The following SV2C variants were observed in gnomAD, a reference collection of about 807,000 sequenced individuals.
SV2C encodes solute carrier family 22 member B3.
Under a neutral mutation model 79.7 loss-of-function variants are expected in SV2C, and 49 were observed. The ratio of observed to expected loss-of-function variants is 0.61; its 90% confidence interval spans 0.49 to 0.78. The LOEUF (loss-of-function observed/expected upper bound fraction) is 0.78, where lower values mean the gene tolerates loss of function less well. SV2C is among the 30% of genes least tolerant of loss of function. SV2C has a pLI of 0.00. For missense variants in SV2C, 833 were observed against 912.9 expected (o/e 0.91, Z 1.13); for synonymous variants, 334 against 333.2 (o/e 1.00, Z -0.03).
In SV2C at chr5:76,132,231, G is replaced by A. The variant is rs751596173; in HGVS notation, c.481G>A (p.Ala161Thr). Residue 161 changes from alanine (A) to threonine (T), a missense_variant, in exon 2 of 13, where the codon GCT becomes ACT. Coordinates refer to ENST00000502798, the MANE Select transcript of SV2C (RefSeq NM_014979.4). ...GGCCCTTTTCTTCGTCCTGGGCATG[G>A]CTCTTATGGCAGACGGTGTAGAGGT... is the stretch of plus-strand genomic sequence containing the variant. ...QWALFFVLGM[A>T]LMADGVEVFV... 29 of 1,614,142 alleles carry A rather than the reference G, an allele frequency of 1.8e-5. No homozygotes were observed. Among genetic ancestry groups the A allele is most frequent in the Non-Finnish European group, 2.4e-5 (28 of 1,180,006 alleles).
intron 6 of SV2C, among the ~76,000 whole-genome samples, chr5:76,290,388 C>A (rs1490358760): frequency 6.6e-6 from 1 of 152,176 alleles, no homozygotes; most frequent in East Asian, 1.9e-4. Flanking sequence ...AAACCTCTGG[C>A]AGGGGTAATG....
the SV2C span, among the ~76,000 whole-genome samples, chr5:76,016,865 T>C: frequency 6.6e-6 from 1 of 152,196 alleles, no homozygotes; most frequent in Non-Finnish European, 1.5e-5. Context: ...TTCACTTCAC[T>C]CAAAGAGGGA....
intron 12 of SV2C, among the ~76,000 whole-genome samples, chr5:76,302,617 T>G: frequency 9.3e-6 from 1 of 107,534 alleles, no homozygotes; most frequent in Admixed American, 1.4e-4. Flanking sequence ...ACAACAAGAG[T>G]GAGACTCCAT....
At chr5:75,955,309 T>C in the SV2C span, among the ~76,000 whole-genome samples, 1 of 149,302 alleles carries the variant, frequency 6.7e-6, no homozygotes. Context: ...ATTTCCTATT[T>C]AATAAATGGT....
the SV2C span, among the ~76,000 whole-genome samples, chr5:75,922,477 A>G: frequency 6.6e-6 from 1 of 152,238 alleles, no homozygotes; most frequent in East Asian, 1.9e-4. Flanking sequence ...TATAGGCAAT[A>G]GTGAATAGAA....
chr5:75,897,042 TC>T, the SV2C span, among the ~76,000 whole-genome samples: 3 of 145,526 alleles, frequency 2.1e-5, no homozygotes, highest in South Asian at 6.3e-4. Context: ...GATGGTAGTT[TC>T]TTTTGCTGTG....
At chr5:75,896,531 C>A in the SV2C span, among the ~76,000 whole-genome samples, 2 of 151,894 alleles carry the variant, frequency 1.3e-5, no homozygotes, top group African/African-American at 4.9e-5. Context: ...CATACGTGTG[C>A]ATGTGTCTTT....
chr5:75,899,095 T>G, the SV2C span, among the ~76,000 whole-genome samples: 2 of 152,246 alleles, frequency 1.3e-5, no homozygotes, highest in Admixed American at 6.5e-5. Flanking sequence ...TTTAGTTATT[T>G]CTTGCCTTCT....
At chr5:76,322,532 G>C (rs546540344) in intron 12 of SV2C, among the ~76,000 whole-genome samples, 1 of 152,214 alleles carries the variant, frequency 6.6e-6, no homozygotes, top group Admixed American at 6.5e-5. Context: ...ATTAGAAAAA[G>C]CTACTTTAAA....
chr5:76,112,341 G>A (rs1020535300), intron 1 of SV2C, among the ~76,000 whole-genome samples: 1 of 152,232 alleles, frequency 6.6e-6, no homozygotes, highest in Non-Finnish European at 1.5e-5. Context: ...GGAAGTGCAG[G>A]AGGGAGGCCA....
intron 12 of SV2C, among the ~76,000 whole-genome samples, chr5:76,339,685 G>C (rs1380496181): frequency 7.5e-6 from 1 of 132,860 alleles, no homozygotes; most frequent in Non-Finnish European, 1.5e-5. Context: ...CTGCACTCCA[G>C]CCTGGGCGAC....
the SV2C span, among the ~76,000 whole-genome samples, chr5:75,962,354 C>T: frequency 1.3e-5 from 2 of 152,036 alleles, no homozygotes; most frequent in African/African-American, 4.8e-5. Flanking sequence ...TAGAGCCTAT[C>T]AGAGTTCCTC....
intron 2 of SV2C, among the ~76,000 whole-genome samples, chr5:76,162,194 T>A (rs1742916112): frequency 6.6e-6 from 1 of 152,100 alleles, no homozygotes; most frequent in African/African-American, 2.4e-5. Flanking sequence ...TGGGAGGGGA[T>A]CTTGTCAGAT....
rs1743090847 is a variant in SV2C, at chr5:76,167,851, A to G, written c.581-27068A>G. Among the ~76,000 whole-genome samples, 3 of 152,270 alleles carry G rather than the reference A, an allele frequency of 2.0e-5. No individual in the cohort carries two copies. In the South Asian group the frequency reaches 6.2e-4, roughly 32 times the overall value. On this transcript the variant is annotated intron_variant, in intron 2 of 12. Transcript: ENST00000502798. ...CTTTTTGTTTTTAATCCCAACCTAG[A>G]AGAGGCACTTTTTACCCTTTTTTAG...
the SV2C span, among the ~76,000 whole-genome samples, chr5:75,958,272 G>A: frequency 6.6e-6 from 1 of 151,950 alleles, no homozygotes; most frequent in Non-Finnish European, 1.5e-5. Flanking sequence ...TTAATTTTCT[G>A]TTCAACTTGA....
At chr5:75,861,082 C>T in the SV2C span, among the ~76,000 whole-genome samples, 2 of 152,048 alleles carry the variant, frequency 1.3e-5, no homozygotes, top group African/African-American at 4.8e-5. Flanking sequence ...ATGCATCTGA[C>T]AAAGATATAA....
chr5:76,205,055 C>T (rs1196394103), intron 3 of SV2C, among the ~76,000 whole-genome samples: 3 of 151,964 alleles, frequency 2.0e-5, no homozygotes, highest in African/African-American at 7.3e-5. Context: ...TGTGAATTTG[C>T]CTTAGATTAT....
At chr5:75,999,315 T>TAC in the SV2C span, among the ~76,000 whole-genome samples, 1 of 124,702 alleles carries the variant, frequency 8.0e-6, no homozygotes, top group African/African-American at 3.0e-5. Flanking sequence ...ACAGTATAGA[T>TAC]ACACACACAT....
At chr5:75,867,927 A>C in the SV2C span, among the ~76,000 whole-genome samples, 1 of 152,238 alleles carries the variant, frequency 6.6e-6, no homozygotes, top group Non-Finnish European at 1.5e-5. Flanking sequence ...ATGAAGGCAT[A>C]AACTACACAG....
Sources: gnomAD v4.1 joint callset for allele counts (sites outside exome capture counted in the v4.1 genomes callset) on GRCh38, gnomAD v4.1.1 for gene constraint, MANE v1.5 for transcripts, NCBI Gene and HGNC (gene_info 2026-07-23, HGNC 2026-07-21) for gene names.